ETV5: variants seen among roughly 807,000 people sequenced by gnomAD.
The protein encoded by ETV5 is ETS translocation variant 5.
ETV5 carries 10 observed loss-of-function variants against 70.0 expected under a neutral mutation model. The ratio of observed to expected loss-of-function variants is 0.14; its 90% CI spans 0.09 to 0.24. ETV5 has a LOEUF of 0.24. Ranked by LOEUF, ETV5 falls within the 10% of genes least tolerant of loss-of-function variation. The probability of loss-of-function intolerance (pLI) is 1.00; values close to 1 mark genes in which losing one functional copy is unlikely to be tolerated. For synonymous variants in ETV5, 216 were observed against 242.2 expected (o/e 0.89, Z 1.01); for missense variants, 453 against 651.2 (o/e 0.70, Z 3.31).
At chr3:186,104,391 G>A (rs755349273) in intron 5 of ETV5, among the ~76,000 whole-genome samples, 7 of 152,060 alleles carry the variant, frequency 4.6e-5, no homozygotes, top group Non-Finnish European at 1.0e-4. Context: ...AGCACTTAGT[G>A]GCCATTTTAA....
chr3:186,104,153 C>T (rs1714532123), intron 5 of ETV5, among the ~76,000 whole-genome samples: 1 of 152,174 alleles, frequency 6.6e-6, no homozygotes, highest in African/African-American at 2.4e-5. Context: ...GCATTTTCTC[C>T]AGGCCTCTCT....
At chr3:186,075,239 T>C (rs1341467669) in intron 7 of ETV5, among the ~76,000 whole-genome samples, 1 of 152,216 alleles carries the variant, frequency 6.6e-6, no homozygotes, top group Non-Finnish European at 1.5e-5. Flanking sequence ...TGAAACTCAG[T>C]TTCAGATCCC....
chr3:186,107,762 TA>T (rs1714624567), intron 1 of ETV5, among the ~76,000 whole-genome samples: 1 of 151,960 alleles, frequency 6.6e-6, no homozygotes, highest in Admixed American at 6.5e-5. Flanking sequence ...GGCCCGGTTT[TA>T]TGAATGGGAG....
chr3:186,105,685 G>A lies in ETV5; in HGVS notation c.73C>T (p.Arg25Trp), dbSNP rs112315086. ...TTCCTCTTTCTGTCAATCACAGGCC[G>A]CCCTCTGCATTCCTCAGATCGAGAT... is the stretch of plus-strand genomic sequence containing the variant. ...GKSRSEECRG[R>W]PVIDRKRKFL... The change falls in exon 3 of 13, where the codon CGG (arginine) becomes TGG (tryptophan). Residue 25 changes from arginine to tryptophan, a missense_variant. Arg to Trp is a moderately radical substitution (Grantham distance 101). Transcript: ENST00000306376. The surrounding 1 kb of genome is among the most constrained non-coding windows in gnomAD (Gnocchi z 4.5). 33 of 1,614,032 alleles carry A rather than the reference G, an allele frequency of 2.0e-5. No homozygotes were observed. The highest frequency in any genetic ancestry group is 2.7e-5 in the African/African-American group (2 of 74,902).
At chr3:186,101,423 G>A (rs1165258710) in intron 5 of ETV5, among the ~76,000 whole-genome samples, 1 of 152,080 alleles carries the variant, frequency 6.6e-6, no homozygotes, top group Admixed American at 6.6e-5. Flanking sequence ...AAAGCACTGA[G>A]GTTACAGGTG....
chr3:186,091,950 A>G (rs1386879712), intron 5 of ETV5, among the ~76,000 whole-genome samples: 2 of 152,224 alleles, frequency 1.3e-5, no homozygotes, highest in Non-Finnish European at 2.9e-5. Context: ...AAGTGAGGGA[A>G]GGAGACACCT....
At chr3:186,108,340 A>G in intron 1 of ETV5, 2 of 486,450 alleles carry the variant, frequency 4.1e-6, no homozygotes, top group Non-Finnish European at 7.8e-6. Context: ...GCACAGCCGG[A>G]CGCCCTCAGC....
intron 12 of ETV5, among the ~76,000 whole-genome samples, chr3:186,049,465 TG>T (rs1343851373): frequency 3.9e-5 from 6 of 152,176 alleles, no homozygotes; most frequent in Admixed American, 2.6e-4. Context: ...AGGTCTTGGT[TG>T]TTCAAGGACC....
chr3:186,086,132 T>C (rs1023854582), intron 5 of ETV5, among the ~76,000 whole-genome samples: 2 of 152,186 alleles, frequency 1.3e-5, no homozygotes, highest in Admixed American at 1.3e-4. Context: ...TAAGGATCTA[T>C]GCACAAATAT....
chr3:186,106,166 TTTTC>T (rs1188437403), intron 1 of ETV5, among the ~76,000 whole-genome samples: 1 of 152,166 alleles, frequency 6.6e-6, no homozygotes, highest in African/African-American at 2.4e-5. Context: ...AGTCATCATT[TTTTC>T]TTTCTTATTT....
chr3:186,048,729 C>T lies in ETV5; in HGVS notation c.1443G>A (p.Leu481=). Residue 481 remains leucine, a synonymous_variant, in exon 13 of 13, where the codon CTG becomes CTA. Transcript: ENST00000306376. The part of the protein sequence containing the change: ...SECHLSEEDT[L]PLTHFEDSPA... ...GGCTGTCTTCAAAGTGGGTCAGCGG[C>T]AGGGTGTCCTCCTCGCTGAGGTGGC... The T allele has an allele frequency of 6.2e-7, 1 of 1,614,154 alleles. No homozygotes were observed. Among genetic ancestry groups the T allele is most frequent in the Non-Finnish European group, 8.5e-7 (1 of 1,180,034 alleles).
Position 186,052,054 on chromosome 3 carries a change from G to A in ETV5, c.1287C>T (p.Tyr429=), listed in dbSNP as rs1560044074. 1 of 1,613,774 alleles carries A rather than the reference G, an allele frequency of 6.2e-7. No individual in the cohort carries two copies. The highest frequency in any genetic ancestry group is 8.5e-7 in the Non-Finnish European group (1 of 1,179,862). The change falls in exon 12 of 13, where the codon TAC becomes TAT. Residue 429 remains tyrosine (Y), a synonymous_variant. Coordinates refer to ENST00000306376, the MANE Select transcript of ETV5 (RefSeq NM_004454.3). The surrounding 1 kb of genome is among the most constrained non-coding windows in gnomAD (Gnocchi z 4.5). ...YDKLSRSLRY[Y]YEKGIMQKVA... ...CCTTCTGCATGATGCCCTTTTCATA[G>A]TAATAGCGGAGAGAGCGGCTCAGCT...
intron 5 of ETV5, among the ~76,000 whole-genome samples, chr3:186,094,312 G>A (rs112198284): frequency 2.4e-4 from 37 of 152,142 alleles, no homozygotes; most frequent in Admixed American, 5.2e-4. Context: ...GGGTAAGAAC[G>A]ATTATCTATC....
Position 186,048,279 on chromosome 3 carries a change from T to A in ETV5, c.*360A>T. The stretch of plus-strand genomic sequence containing the variant: ...CTATGTAAAGGCATTTAGTAGTCCA[T>A]GATCGATGCAGATTGTCACATACTA... On this transcript the variant is annotated 3_prime_UTR_variant, in exon 13 of 13. Coordinates refer to ENST00000306376, the MANE Select transcript of ETV5 (RefSeq NM_004454.3). 3.0e-6 allele frequency: 1 copy of A among 332,914 alleles called. No homozygotes were observed. Among genetic ancestry groups the A allele is most frequent in the South Asian group, 5.2e-5 (1 of 19,402 alleles). 20.6% of individuals were successfully genotyped at this position (332,914 alleles called of 1,614,324 possible).
chr3:186,082,162 G>A (rs1247793993), intron 5 of ETV5, among the ~76,000 whole-genome samples: 1 of 152,194 alleles, frequency 6.6e-6, no homozygotes, highest in Non-Finnish European at 1.5e-5. Context: ...TGCATTTTGC[G>A]CTATAAGGGC....
chr3:186,075,458 A>G (rs1178707594), intron 7 of ETV5, among the ~76,000 whole-genome samples: 2 of 152,274 alleles, frequency 1.3e-5, no homozygotes, highest in African/African-American at 4.8e-5. Context: ...TAAGAGAGGA[A>G]GAAAAAACAA....
intron 9 of ETV5, chr3:186,064,131 C>T: frequency 2.3e-6 from 1 of 437,782 alleles, no homozygotes; most frequent in South Asian, 3.4e-5. Context: ...AAGTTGGGGT[C>T]ATTGCTAATG....
At chr3:186,062,227 T>C (rs1713321809) in intron 9 of ETV5, among the ~76,000 whole-genome samples, 1 of 152,236 alleles carries the variant, frequency 6.6e-6, no homozygotes, top group Admixed American at 6.5e-5. Flanking sequence ...CTGTGAAATA[T>C]GGAAGGAGAT....
chr3:186,056,412 A>C (rs1424326032), intron 11 of ETV5, among the ~76,000 whole-genome samples: 1 of 151,484 alleles, frequency 6.6e-6, no homozygotes, highest in Non-Finnish European at 1.5e-5. Context: ...TATTATTTTT[A>C]TTTTCTTTTA....
Sources: allele counts gnomAD v4.1 joint callset (sites outside exome capture counted in the v4.1 genomes callset), GRCh38; gene constraint gnomAD v4.1.1; non-coding constraint Gnocchi (gnomAD v3.1); transcripts MANE v1.5; gene names NCBI Gene and HGNC (gene_info 2026-07-23, HGNC 2026-07-21).